The following KCNB2 variants were observed in gnomAD, a reference collection of about 807,000 sequenced individuals.
KCNB2 encodes potassium voltage-gated channel subfamily B member 2.
In KCNB2, 15 loss-of-function variants were observed where a neutral mutation model predicts 61.5. That is an observed-to-expected ratio of 0.24 (90% CI 0.16 to 0.38). KCNB2 has a LOEUF of 0.38. Ranked by LOEUF, KCNB2 falls within the 10% of genes least tolerant of loss-of-function variation. KCNB2 has a pLI of 1.00. For missense variants in KCNB2, 828 were observed against 1,125.2 expected (o/e 0.74, Z 3.78); for synonymous variants, 457 against 446.0 (o/e 1.02, Z -0.31).
Position 72,737,027 on chromosome 8 carries a change from T to G in KCNB2, c.579+168714T>G, listed in dbSNP as rs1807857957. On this transcript the variant is annotated intron_variant, in intron 2 of 2. Coordinates refer to ENST00000523207, the MANE Select transcript of KCNB2 (RefSeq NM_004770.3). ...CAATTGTGCAGCATTGAAATGTAGT[T>G]GCTATTTTTTTTTTTTGCTCTTTTG... Among the ~76,000 whole-genome samples the G allele has an allele frequency of 4.6e-5, 7 of 151,512 alleles. No individual in the cohort carries two copies. The South Asian group carries it at 1.5e-3, about 32-fold the overall frequency.
chr8:72,581,710 G>A (rs897922095), intron 2 of KCNB2, among the ~76,000 whole-genome samples: 1 of 152,170 alleles, frequency 6.6e-6, no homozygotes, highest in African/African-American at 2.4e-5. Flanking sequence ...CACAGATGTG[G>A]GTTTTACATT....
intron 2 of KCNB2, among the ~76,000 whole-genome samples, chr8:72,737,824 A>G (rs914327530): frequency 2.6e-5 from 4 of 151,984 alleles, no homozygotes; most frequent in African/African-American, 9.7e-5. Context: ...AGAGCCTTTA[A>G]CTCCTAACAT....
At chr8:72,854,330 T>A (rs1464721405) in intron 2 of KCNB2, among the ~76,000 whole-genome samples, 1 of 152,220 alleles carries the variant, frequency 6.6e-6, no homozygotes, top group Non-Finnish European at 1.5e-5. Context: ...TTATATATTT[T>A]TTAAGTGTTA....
intron 2 of KCNB2, among the ~76,000 whole-genome samples, chr8:72,924,413 T>C (rs926134206): frequency 3.3e-5 from 5 of 152,160 alleles, no homozygotes; most frequent in Non-Finnish European, 7.3e-5. Context: ...CCTCTCAAAT[T>C]TAAATGCACA....
At chr8:72,699,738 T>G (rs1206151057) in intron 2 of KCNB2, among the ~76,000 whole-genome samples, 1 of 152,182 alleles carries the variant, frequency 6.6e-6, no homozygotes, top group African/African-American at 2.4e-5. Context: ...GTTTTACATT[T>G]AAGTCTTTAA....
chr8:72,887,880 G>T (rs1805832039), intron 2 of KCNB2, among the ~76,000 whole-genome samples: 2 of 152,166 alleles, frequency 1.3e-5, no homozygotes, highest in Non-Finnish European at 2.9e-5. Context: ...AGGCCTGATG[G>T]TGTGAACACA....
chr8:72,703,220 T>G (rs1807163967), intron 2 of KCNB2, among the ~76,000 whole-genome samples: 1 of 152,158 alleles, frequency 6.6e-6, no homozygotes, highest in Admixed American at 6.5e-5. Context: ...AACCATCAGC[T>G]TACACAGAAT....
At chr8:72,912,328 A>G (rs1056640296) in intron 2 of KCNB2, among the ~76,000 whole-genome samples, 9 of 152,036 alleles carry the variant, frequency 5.9e-5, no homozygotes, top group Admixed American at 4.6e-4. Flanking sequence ...AAAATACATG[A>G]GGTGGATGAA....
intron 2 of KCNB2, among the ~76,000 whole-genome samples, chr8:72,931,545 A>C (rs1181708139): frequency 6.6e-6 from 1 of 151,808 alleles, no homozygotes; most frequent in Non-Finnish European, 1.5e-5. Flanking sequence ...TAGGTATTTT[A>C]TTTTCTTTGA....
At chr8:72,845,020 T>C (rs1482074234) in intron 2 of KCNB2, among the ~76,000 whole-genome samples, 1 of 152,230 alleles carries the variant, frequency 6.6e-6, no homozygotes, top group African/African-American at 2.4e-5. Context: ...AAAGAGGTGT[T>C]CTGTTTTTTG....
At chr8:72,891,093 G>T (rs982319134) in intron 2 of KCNB2, among the ~76,000 whole-genome samples, 47 of 152,182 alleles carry the variant, frequency 3.1e-4, no homozygotes, top group African/African-American at 1.1e-3. Context: ...TCTCCATTCA[G>T]ATTGTGCCAG....
chr8:72,936,566 C>G lies in KCNB2; in HGVS notation c.1211C>G (p.Ala404Gly). 6.2e-7 allele frequency: 1 copy of G among 1,614,166 alleles called. No individual in the cohort carries two copies. The highest frequency in any genetic ancestry group is 8.5e-7 in the Non-Finnish European group (1 of 1,180,028). Residue 404 changes from alanine (A) to glycine (G), a missense_variant, in exon 3 of 3, where the codon GCT (alanine) becomes GGT (glycine). By Grantham distance (60) the Ala-to-Gly change is moderately conservative. Around this residue, in one of 4 missense-constraint regions of KCNB2, gnomAD observed 44 missense variants for 167.6 expected, o/e 0.26. Transcript: ENST00000523207. This position sits in a 1 kb window ranked among gnomAD's most constrained non-coding sequence, Gnocchi z 5.6. ...GKIVGGLCCI[A>G]GVLVIALPIP... Reference sequence around the variant, plus strand: ...ATTGTGGGAGGTCTGTGCTGTATTGCTGGGGTTCTGGTTATTGCCCTTCCT... The same window carrying G: ...ATTGTGGGAGGTCTGTGCTGTATTGGTGGGGTTCTGGTTATTGCCCTTCCT...
intron 2 of KCNB2, among the ~76,000 whole-genome samples, chr8:72,821,631 C>CA (rs1187637196): frequency 4.4e-4 from 25 of 56,466 alleles, no homozygotes; most frequent in Admixed American, 1.6e-3. Context: ...CACACACACA[C>CA]AAAAAAAAAC....
intron 1 of KCNB2, among the ~76,000 whole-genome samples, chr8:72,565,647 C>CACACACACACACACA (rs1008652221): frequency 3.3e-5 from 5 of 150,790 alleles, no homozygotes; most frequent in Admixed American, 3.3e-4. Flanking sequence ...AAGCAGAATA[C>CACACACACACACACA]ACACACACAC....
intron 2 of KCNB2, among the ~76,000 whole-genome samples, chr8:72,861,463 G>A (rs1329796742): frequency 1.3e-5 from 2 of 152,170 alleles, no homozygotes; most frequent in Admixed American, 6.5e-5. Flanking sequence ...AAAAGCTCAC[G>A]AAAGAAGCCT....
intron 2 of KCNB2, among the ~76,000 whole-genome samples, chr8:72,663,586 G>GTA (rs1167742642): frequency 6.6e-6 from 1 of 152,076 alleles, no homozygotes; most frequent in Non-Finnish European, 1.5e-5. Context: ...TTATAATTTA[G>GTA]TATAACACTC....
chr8:72,568,257 A>G lies in KCNB2; in HGVS notation c.523A>G (p.Lys175Glu), dbSNP rs772020652. 6 of 1,613,778 alleles carry G rather than the reference A, an allele frequency of 3.7e-6. No individual in the cohort carries two copies. The highest frequency in any genetic ancestry group is 5.1e-6 in the Non-Finnish European group (6 of 1,179,946). The change falls in exon 2 of 3, where the codon AAA becomes GAA. Residue 175 changes from lysine to glutamate, a missense_variant. Lys to Glu is a moderately conservative substitution (Grantham distance 56). This residue lies in a region of KCNB2 where 163 missense variants were observed against 314.4 expected (regional missense o/e 0.52). Coordinates refer to ENST00000523207, the MANE Select transcript of KCNB2 (RefSeq NM_004770.3). ...GTTTGATAATACCTGCTGCCCTGAT[A>G]AAAGGAAGAAACTGTGGGACTTGCT... Reference protein sequence around the residue: ...EEFDNTCCPDKRKKLWDLLEK... With the variant: ...EEFDNTCCPDERKKLWDLLEK...
At chr8:72,931,360 T>A (rs1466283218) in intron 2 of KCNB2, among the ~76,000 whole-genome samples, 7 of 152,214 alleles carry the variant, frequency 4.6e-5, no homozygotes, top group African/African-American at 1.7e-4. Flanking sequence ...TTGATGGGGA[T>A]GGCATTGAGT....
chr8:72,564,594 G>T (rs139847988), intron 1 of KCNB2, among the ~76,000 whole-genome samples: 2 of 151,954 alleles, frequency 1.3e-5, no homozygotes, highest in African/African-American at 2.4e-5. Context: ...TAATATTTTC[G>T]GCTGTTTTTG....
Sources: gnomAD v4.1 joint callset for allele counts (sites outside exome capture counted in the v4.1 genomes callset) on GRCh38, gnomAD v4.1.1 for gene constraint, gnomAD v4.1.1 regional missense constraint, Gnocchi (gnomAD v3.1) non-coding constraint, MANE v1.5 for transcripts, NCBI Gene and HGNC (gene_info 2026-07-23, HGNC 2026-07-21) for gene names.